The following FRMPD1 variants were observed in gnomAD, a reference collection of about 807,000 sequenced individuals.
FRMPD1 encodes the protein FERM and PDZ domain containing 1.
FRMPD1 carries 76 observed loss-of-function variants against 117.8 expected under a neutral mutation model. The ratio of observed to expected loss-of-function variants is 0.65; its 90% CI spans 0.54 to 0.78. The LOEUF is 0.78. Among genes scored for constraint, FRMPD1 ranks in the 30% least tolerant of loss-of-function variants. FRMPD1 has a pLI of 0.00. For missense variants in FRMPD1, 1,786 were observed against 1,964.5 expected (o/e 0.91, Z 1.72); for synonymous variants, 783 against 770.4 (o/e 1.02, Z -0.27).
intron 6 of FRMPD1, 88 bp from the exon 7 acceptor site, chr9:37,724,137 G>A (rs1442974981): frequency 9.0e-6 from 6 of 669,230 alleles, no homozygotes; most frequent in Non-Finnish European, 1.6e-5. Flanking sequence ...TCGTACCACT[G>A]TTCTCCAGCC....
chr9:37,638,009 TTTCTTTC>T, the FRMPD1 span, among the ~76,000 whole-genome samples: 6 of 126,628 alleles, frequency 4.7e-5, 1 homozygote, highest in South Asian at 2.7e-4. Flanking sequence ...TCTTTCTTTC[TTTCTTTC>T]TTTCTTTCTC....
rs150844777 is a variant in FRMPD1, at chr9:37,666,222, G to A, written c.-5+15128G>A. 3.6e-3 allele frequency among the ~76,000 whole-genome samples: 547 copies of A among 152,238 alleles called. 3 individuals are homozygous for A. The highest frequency in any genetic ancestry group is 5.7e-3 in the Non-Finnish European group (391 of 68,020). On this transcript the variant is annotated intron_variant, in intron 1 of 15. Transcript: ENST00000377765. ...TTTTTTGGGTGTCTTCTTCACAGTTGTTCTGCGTTACTCAGAAATTAAATT... is the reference window on the plus strand; with the variant it reads ...TTTTTTGGGTGTCTTCTTCACAGTTATTCTGCGTTACTCAGAAATTAAATT...
rs751798149 is a variant in FRMPD1, at chr9:37,737,125, T to C, written c.1431T>C (p.Ser477=). ...KVLTLLLESN[S]AKDLACLIAG... Reference sequence around the variant, plus strand: ...TGACTTTGCTGCTGGAATCCAACAGTGCAAAAGACCTAGCCTGCCTGATTG... The same window carrying C: ...TGACTTTGCTGCTGGAATCCAACAGCGCAAAAGACCTAGCCTGCCTGATTG... The change falls in exon 14 of 16, where the codon AGT becomes AGC. Residue 477 remains serine (S), a synonymous_variant. Coordinates refer to ENST00000377765, the MANE Select transcript of FRMPD1 (RefSeq NM_014907.3). 1.3e-5 allele frequency: 21 copies of C among 1,613,082 alleles called. No homozygotes were observed. The highest frequency in any genetic ancestry group is 1.8e-5 in the Non-Finnish European group (21 of 1,179,082).
At chr9:37,645,666 A>G in the FRMPD1 span, among the ~76,000 whole-genome samples, 1 of 152,226 alleles carries the variant, frequency 6.6e-6, no homozygotes, top group Non-Finnish European at 1.5e-5. Context: ...TATACAGTGA[A>G]TTGGACAATT....
At chr9:37,660,048 C>G (rs1355978935) in intron 1 of FRMPD1, among the ~76,000 whole-genome samples, 2 of 151,834 alleles carry the variant, frequency 1.3e-5, no homozygotes, top group Non-Finnish European at 2.9e-5. Flanking sequence ...CAGCTCCAGA[C>G]TCTCCACTCA....
At chr9:37,702,776 A>G (rs1378084046) in intron 2 of FRMPD1, among the ~76,000 whole-genome samples, 2 of 152,152 alleles carry the variant, frequency 1.3e-5, no homozygotes, top group African/African-American at 4.8e-5. Context: ...AGGAAGGGTA[A>G]ACCATAGCTT....
chr9:37,706,936 GTCCATCCA>G (rs66686416), intron 2 of FRMPD1, among the ~76,000 whole-genome samples: 22,871 of 150,074 alleles, frequency 0.15, 1,974 homozygotes, highest in Middle Eastern at 0.2. Context: ...CTGTCAGTCC[GTCCATCCA>G]TCCATCCATC....
the FRMPD1 span, among the ~76,000 whole-genome samples, chr9:37,603,950 A>G: frequency 1.3e-5 from 2 of 152,128 alleles, no homozygotes; most frequent in African/African-American, 2.4e-5. Flanking sequence ...AAGTGCTGGG[A>G]TTACAGGAGT....
intron 3 of FRMPD1, among the ~76,000 whole-genome samples, chr9:37,707,890 C>T (rs1451485247): frequency 6.6e-6 from 1 of 152,220 alleles, no homozygotes; most frequent in African/African-American, 2.4e-5. Flanking sequence ...GAACCCCACA[C>T]GCTCCTAGCT....
Position 37,729,767 on chromosome 9 carries a change from A to G in FRMPD1, c.652A>G (p.Ser218Gly). The G allele has an allele frequency of 6.2e-7, 1 of 1,614,078 alleles. No individual in the cohort carries two copies. The highest frequency in any genetic ancestry group is 8.5e-7 in the Non-Finnish European group (1 of 1,179,962). Residue 218 changes from serine (S) to glycine (G), a missense_variant, in exon 8 of 16, where the codon AGT becomes GGT. Physicochemically the swap from Ser to Gly is moderately conservative, Grantham distance 56. Coordinates refer to ENST00000377765, the MANE Select transcript of FRMPD1 (RefSeq NM_014907.3). ...LTVKEKLSIR[S>G]IEYFALALEE... The stretch of plus-strand genomic sequence containing the variant: ...CGTGAAGGAGAAGCTGTCCATCCGA[A>G]GTATCGAGTACTTTGCACTGGCCCT...
intron 1 of FRMPD1, among the ~76,000 whole-genome samples, chr9:37,683,096 A>G (rs1821786627): frequency 6.6e-6 from 1 of 152,178 alleles, no homozygotes; most frequent in African/African-American, 2.4e-5. Context: ...CTATACATTT[A>G]CCCGTTCTGG....
the FRMPD1 span, among the ~76,000 whole-genome samples, chr9:37,616,595 C>T: frequency 1.3e-5 from 2 of 152,134 alleles, no homozygotes; most frequent in African/African-American, 4.8e-5. Flanking sequence ...TAAATTCCAC[C>T]TGCACTGAGA....
At chr9:37,724,129 G>A (rs536136704) in intron 6 of FRMPD1, 96 bp from the exon 7 acceptor site, 49 of 614,850 alleles carry the variant, frequency 8.0e-5, no homozygotes, top group Middle Eastern at 7.9e-4. Context: ...AGCCGAGATC[G>A]TACCACTGTT....
At chr9:37,729,613 A>C (rs1823772886) in intron 7 of FRMPD1, 115 bp from the exon 8 acceptor site, 1 of 1,046,928 alleles carries the variant, frequency 9.6e-7, no homozygotes, top group East Asian at 2.4e-5. Flanking sequence ...GTAAGTCAGC[A>C]GTGGGCATGT....
rs747728128 is a variant in FRMPD1, at chr9:37,699,903, GCACA to G, written c.101+7174_101+7177del. ...CACACATGCACATGTATGCATGCAC[GCACA>G]CACACACACACATATACACACATTT... On this transcript the variant is annotated intron_variant, in intron 2 of 15. Transcript: ENST00000377765. Among the ~76,000 whole-genome samples, 7 of 148,002 alleles carry G rather than the reference GCACA, an allele frequency of 4.7e-5. No individual in the cohort carries two copies. The South Asian group carries it at 6.5e-4, about 14-fold the overall frequency.
chr9:37,631,184 G>A, the FRMPD1 span, among the ~76,000 whole-genome samples: 11 of 152,068 alleles, frequency 7.2e-5, no homozygotes, highest in African/African-American at 1.2e-4. Flanking sequence ...AAAGCACTTC[G>A]ATGTTGAAAA....
At chr9:37,717,480 A>G (rs1186867644) in intron 5 of FRMPD1, among the ~76,000 whole-genome samples, 1 of 151,348 alleles carries the variant, frequency 6.6e-6, no homozygotes, top group Non-Finnish European at 1.5e-5. Flanking sequence ...CCTGGATTCA[A>G]GCAATTCTCC....
chr9:37,623,009 A>C, the FRMPD1 span, among the ~76,000 whole-genome samples: 1 of 152,248 alleles, frequency 6.6e-6, no homozygotes, highest in Non-Finnish European at 1.5e-5. Flanking sequence ...AAAATAATAT[A>C]TATTCATATG....
At chr9:37,724,810 G>A (rs539411229) in intron 7 of FRMPD1, among the ~76,000 whole-genome samples, 11 of 152,168 alleles carry the variant, frequency 7.2e-5, no homozygotes, top group Non-Finnish European at 1.3e-4. Context: ...GGGTGGTCTC[G>A]ATCTTCAGGA....
Sources: allele counts gnomAD v4.1 joint callset (sites outside exome capture counted in the v4.1 genomes callset), GRCh38; gene constraint gnomAD v4.1.1; transcripts MANE v1.5; gene names NCBI Gene and HGNC (gene_info 2026-07-23, HGNC 2026-07-21).